Variants in PITPNM1 observed in about 807,000 individuals in gnomAD.
The protein encoded by PITPNM1 is phosphatidylinositol transfer protein membrane associated 1.
In PITPNM1, 74 loss-of-function variants were observed where a neutral mutation model predicts 133.3. The ratio of observed to expected loss-of-function variants is 0.56; its 90% CI spans 0.46 to 0.67. PITPNM1 has a LOEUF of 0.67. PITPNM1 is among the 30% of genes least tolerant of loss of function. The probability of loss-of-function intolerance (pLI) is 0.00; values close to 1 mark genes in which losing one functional copy is unlikely to be tolerated. For missense variants in PITPNM1, 1,398 were observed against 1,739.5 expected (o/e 0.80, Z 3.49); for synonymous variants, 738 against 741.4 (o/e 1.00, Z 0.08).
In PITPNM1 at chr11:67,496,331, C is replaced by T. The variant is rs772384753; in HGVS notation, c.2164G>A (p.Ala722Thr). ...PALEAAQMRP[A>T]CEQIYNLFHA... ...AAGAGGTTGTAGATCTGTTCACAGG[C>T]TGGGCGCATCTGGGCTGCTGGTACC... Residue 722 changes from alanine to threonine, a missense_variant, in exon 15 of 24, where the codon GCC (alanine) becomes ACC (threonine). Physicochemically the swap from Ala to Thr is moderately conservative, Grantham distance 58. This residue lies in a region of PITPNM1 where 574 missense variants were observed against 698.7 expected (regional missense o/e 0.82). Transcript: ENST00000356404. The T allele has an allele frequency of 3.2e-6, 5 of 1,576,938 alleles. No homozygotes were observed. The South Asian group carries it at 4.7e-5, about 15-fold the overall frequency.
intron 15 of PITPNM1, 37 bp downstream of exon 15, chr11:67,496,141 C>T: frequency 6.1e-6 from 9 of 1,468,996 alleles, no homozygotes; most frequent in Middle Eastern, 1.8e-4. Context: ...TGTGTGTGCC[C>T]TCCTCCTTCT....
rs755856918 is a variant in PITPNM1 at position 67,493,455 on chromosome 11, G to A, written c.3297C>T (p.Asp1099=). 2 of 1,605,554 alleles carry A rather than the reference G, an allele frequency of 1.2e-6. No homozygotes were observed. Among genetic ancestry groups the A allele is most frequent in the Non-Finnish European group, 1.7e-6 (2 of 1,176,176 alleles). The change falls in exon 22 of 24, where the codon GAC becomes GAT. Residue 1099 remains aspartate, a synonymous_variant. Coordinates refer to ENST00000356404, the MANE Select transcript of PITPNM1 (RefSeq NM_004910.3). ...GAAACATTGCCTTCTGGCGTAGTGGGTCGTGGGTGAGGCCGTCGCAGAAGG... is the reference window on the plus strand; with the variant it reads ...GAAACATTGCCTTCTGGCGTAGTGGATCGTGGGTGAGGCCGTCGCAGAAGG... The part of the protein sequence containing the change: ...VVSFCDGLTH[D]PLRQKAMFLQ...
chr11:67,500,800 T>C (rs1866299549), intron 5 of PITPNM1, among the ~76,000 whole-genome samples: 1 of 152,250 alleles, frequency 6.6e-6, no homozygotes. Flanking sequence ...AATGAAGGTG[T>C]TAACAGTTAA....
In PITPNM1 at chr11:67,491,922, T is replaced by TG. The variant is rs1865936472; in HGVS notation, c.*110dup. 2.9e-5 allele frequency: 36 copies of TG among 1,221,946 alleles called. No homozygotes were observed. The South Asian group carries it at 3.8e-4, about 13-fold the overall frequency. The allele number at this position is 1,221,946 out of a possible 1,614,324, so 75.7% of individuals were successfully genotyped here. Reference sequence around the variant, plus strand: ...CACACGGAGATATAGGGTGTGGGGCTGGGGGGGCCAGCGCTGGGGCCAAAA... The same window carrying TG: ...CACACGGAGATATAGGGTGTGGGGCTGGGGGGGGCCAGCGCTGGGGCCAAAA... On this transcript the variant is annotated 3_prime_UTR_variant, in exon 24 of 24. Transcript: ENST00000356404.
chr11:67,500,140 G>T lies in PITPNM1; in HGVS notation c.922C>A (p.Gln308Lys). The T allele has an allele frequency of 1.3e-6, 2 of 1,592,578 alleles. No homozygotes were observed. ...DASPDASFGK[Q>K]WSSSSRSSYS... ...GAGGAACGGGAGGATGAGGACCACT[G>T]CTTCCCAAAGCTGGCATCGGGGGAG... The change falls in exon 6 of 24, where the codon CAG becomes AAG. Residue 308 changes from glutamine (Q) to lysine (K), a missense_variant. Gln to Lys is a moderately conservative substitution (Grantham distance 53, BLOSUM62 1). This residue lies in a region of PITPNM1 where 195 missense variants were observed against 178.8 expected (regional missense o/e 1.09). Coordinates refer to ENST00000356404, the MANE Select transcript of PITPNM1 (RefSeq NM_004910.3).
Position 67,499,998 on chromosome 11 carries a change from G to T in PITPNM1, c.979C>A (p.Pro327Thr), listed in dbSNP as rs1368786896. 1 of 1,612,368 alleles carries T rather than the reference G, an allele frequency of 6.2e-7. No homozygotes were observed. The highest frequency in any genetic ancestry group is 1.1e-5 in the South Asian group (1 of 91,082). Residue 327 changes from proline (P) to threonine (T), a missense_variant, in exon 7 of 24, where the codon CCC becomes ACC. Physicochemically the swap from Pro to Thr is conservative, Grantham distance 38 (BLOSUM62 -1). Transcript: ENST00000356404. Reference protein sequence around the residue: ...YSSQHGGAVSPQSLSEWRMQN... With the variant: ...YSSQHGGAVSTQSLSEWRMQN... ...ATGCGCCACTCAGACAAGCTCTGGGGAGACACAGCCCCTGCCGGGCCAGCT... is the reference window on the plus strand; with the variant it reads ...ATGCGCCACTCAGACAAGCTCTGGGTAGACACAGCCCCTGCCGGGCCAGCT...
At position 67,498,574 on chromosome 11, in the gene PITPNM1, C is replaced by T. The variant is rs761402753; in HGVS notation, c.1484+22G>A. 3.0e-5 allele frequency: 48 copies of T among 1,589,524 alleles called. No homozygotes were observed. Among genetic ancestry groups the T allele is most frequent in the Middle Eastern group, 4.1e-4 (2 of 4,882 alleles). ...CTGGCCTGATCCTACGAGTTCCCTG[C>T]CCTTCCACCCGTGGCTAGTACTTGG... On this transcript the variant is annotated intron_variant, in intron 10 of 23. Transcript: ENST00000356404. This position sits in a 1 kb window ranked among gnomAD's most constrained non-coding sequence, Gnocchi z 5.7.
Position 67,502,794 on chromosome 11 carries a change from T to C in PITPNM1, c.79-76A>G. 4 of 1,433,118 alleles carry C rather than the reference T, an allele frequency of 2.8e-6. No homozygotes were observed. In the South Asian group the frequency reaches 3.5e-5, roughly 13 times the overall value. The allele number at this position is 1,433,118 out of a possible 1,614,324, so 88.8% of individuals were successfully genotyped here. ...TGGGATCCCCAGCTCAGCCTGGTGT[T>C]CTACACAGCTCTGGGGCCCTGGTCC... is the stretch of plus-strand genomic sequence containing the variant. On this transcript the variant is annotated intron_variant, in intron 2 of 23. Transcript: ENST00000356404. This position sits in a 1 kb window ranked among gnomAD's most constrained non-coding sequence, Gnocchi z 5.9.
Position 67,504,034 on chromosome 11 carries a change from CG to C in PITPNM1, c.78+68del. 1 of 1,270,354 alleles carries C rather than the reference CG, an allele frequency of 7.9e-7. No individual in the cohort carries two copies. The highest frequency in any genetic ancestry group is 1.1e-6 in the Non-Finnish European group (1 of 916,966). 78.7% of individuals were successfully genotyped at this position (1,270,354 alleles called of 1,614,324 possible). A position where few individuals can be genotyped will look rare whatever the true frequency, so the allele number is the denominator to read the frequency against. On this transcript the variant is annotated intron_variant, in intron 2 of 23. Coordinates refer to ENST00000356404, the MANE Select transcript of PITPNM1 (RefSeq NM_004910.3). The surrounding 1 kb of genome is among the most constrained non-coding windows in gnomAD (Gnocchi z 5.4). ...CCGGGCTCCCAGCCGGTCCCAGCCC[CG>C]GGGCAGGGCTGGCGGGGTCGGCAGG...
chr11:67,501,714 C>A, intron 5 of PITPNM1, 148 bp downstream of exon 5: 2 of 667,774 alleles, frequency 3.0e-6, no homozygotes, highest in South Asian at 3.8e-5. Flanking sequence ...CTAGGCTGTG[C>A]GGCCGCTTCT....
At position 67,502,394 on chromosome 11, in the gene PITPNM1, C is replaced by G; in HGVS notation, c.313G>C (p.Glu105Gln). ...TRTRYTCPFV[E>Q]KFSIEIETYY... ...GTCTCAATTTCAATGGAGAATTTCT[C>G]CACGAAAGGGCAGGTGTACCTGGGC... The change falls in exon 4 of 24, where the codon GAG becomes CAG. Residue 105 changes from glutamate to glutamine, a missense_variant. By Grantham distance (29) the Glu-to-Gln change is conservative. Coordinates refer to ENST00000356404, the MANE Select transcript of PITPNM1 (RefSeq NM_004910.3). The surrounding 1 kb of genome is among the most constrained non-coding windows in gnomAD (Gnocchi z 5.9). 6.2e-7 allele frequency: 1 copy of G among 1,613,940 alleles called. No individual in the cohort carries two copies. Among genetic ancestry groups the G allele is most frequent in the Non-Finnish European group, 8.5e-7 (1 of 1,180,028 alleles).
At position 67,493,398 on chromosome 11, in the gene PITPNM1, C is replaced by A; in HGVS notation, c.3342+12G>T. ...CGGGGTCAGGACCCGGAGCCTCCCC[C>A]AGCCGCCGCACCTCCTGCACCAGGC... On this transcript the variant is annotated intron_variant, in intron 22 of 23. Transcript: ENST00000356404. 6.4e-7 allele frequency: 1 copy of A among 1,563,324 alleles called. No homozygotes were observed.
At chr11:67,503,896 A>G in intron 2 of PITPNM1, 1 of 494,616 alleles carries the variant, frequency 2.0e-6, no homozygotes. Flanking sequence ...ATTACAGGAG[A>G]TCAGAGGAGG....
At chr11:67,494,743 G>A in intron 18 of PITPNM1, 103 bp downstream of exon 18, 1 of 725,542 alleles carries the variant, frequency 1.4e-6, no homozygotes, top group South Asian at 1.7e-5. Context: ...AGTTGGATCG[G>A]CTAGGACCCG....
rs1372812720 is a variant in PITPNM1 at position 67,493,954 on chromosome 11, G to T, written c.2976C>A (p.Gly992=). The T allele has an allele frequency of 6.2e-7, 1 of 1,605,204 alleles. No individual in the cohort carries two copies. The highest frequency in any genetic ancestry group is 1.7e-5 in the Admixed American group (1 of 59,444). ...TFPVPPERAL[G]IGVYPVRMVV... is the part of the protein sequence containing the mutation. ...CCATGCGCACGGGGTAGACACCAATGCCCAGCGCGCGTTCTGGGGGAACTG... is the reference window on the plus strand; with the variant it reads ...CCATGCGCACGGGGTAGACACCAATTCCCAGCGCGCGTTCTGGGGGAACTG... The change falls in exon 20 of 24, where the codon GGC becomes GGA. Residue 992 remains glycine (G), a synonymous_variant. Coordinates refer to ENST00000356404, the MANE Select transcript of PITPNM1 (RefSeq NM_004910.3).
chr11:67,498,843 G>A lies in PITPNM1; in HGVS notation c.1237C>T (p.Leu413=). 6.2e-7 allele frequency: 1 copy of A among 1,609,630 alleles called. No homozygotes were observed. The highest frequency in any genetic ancestry group is 8.5e-7 in the Non-Finnish European group (1 of 1,177,116). Residue 413 remains leucine (L), a synonymous_variant, in exon 10 of 24, where the codon CTG becomes TTG. Coordinates refer to ENST00000356404, the MANE Select transcript of PITPNM1 (RefSeq NM_004910.3). The surrounding 1 kb of genome is among the most constrained non-coding windows in gnomAD (Gnocchi z 5.7). ...GAQAPRDSEG[L]DGAGELGAEA... is the part of the protein sequence containing the mutation. ...GCCCCCAGCTCCCCGGCTCCATCCA[G>A]GCCCTGGGGGGAACAATGGGGTGCA...
In PITPNM1 at chr11:67,500,188, C is replaced by G; in HGVS notation, c.874G>C (p.Glu292Gln). 2 of 1,602,190 alleles carry G rather than the reference C, an allele frequency of 1.2e-6. No homozygotes were observed. The highest frequency in any genetic ancestry group is 1.7e-6 in the Non-Finnish European group (2 of 1,177,032). The change falls in exon 6 of 24, where the codon GAG (glutamate) becomes CAG (glutamine). Residue 292 changes from glutamate (E) to glutamine (Q), a missense_variant. Glu to Gln is a conservative substitution (Grantham distance 29, BLOSUM62 2). Transcript: ENST00000356404. The stretch of plus-strand genomic sequence containing the variant: ...GAGGCATCTGGGCCTGGGGGGGCCT[C>G]AGGCCCATCGGGGGTGCCAGTGTTG... ...ASNTGTPDGPEAPPGPDASPD... is the reference protein window; with the variant it reads ...ASNTGTPDGPQAPPGPDASPD...
Position 67,498,179 on chromosome 11 carries a change from T to TA in PITPNM1, c.1627dup (p.Tyr543LeufsTer9). ...CTCAGGTGAGCGCAGGAAGGCTGAG[T>TA]AGGCCTGGTTGGTGCGGGCAATGAC... On this transcript the variant is annotated frameshift_variant, in exon 11 of 24. Transcript: ENST00000356404. LOFTEE classifies it high-confidence loss of function. The surrounding 1 kb of genome is among the most constrained non-coding windows in gnomAD (Gnocchi z 5.7). 6.2e-7 allele frequency: 1 copy of TA among 1,613,126 alleles called. No homozygotes were observed. The highest frequency in any genetic ancestry group is 8.5e-7 in the Non-Finnish European group (1 of 1,179,908).
Position 67,502,287 on chromosome 11 carries a change from C to A in PITPNM1, c.415+5G>T, listed in dbSNP as rs780085203. 2 of 1,612,564 alleles carry A rather than the reference C, an allele frequency of 1.2e-6. No individual in the cohort carries two copies. Among genetic ancestry groups the A allele is most frequent in the Non-Finnish European group, 1.7e-6 (2 of 1,179,892 alleles). On this transcript the variant is annotated splice_donor_5th_base_variant and intron_variant, in intron 4 of 23. Transcript: ENST00000356404. The surrounding 1 kb of genome is among the most constrained non-coding windows in gnomAD (Gnocchi z 5.9). Reference sequence around the variant, plus strand: ...CCAGGGTCCCCCCATAGCTCCAGGCCTCACCCAGGATGCGCTGTCTCCTCT... The same window carrying A: ...CCAGGGTCCCCCCATAGCTCCAGGCATCACCCAGGATGCGCTGTCTCCTCT...
Sources: allele counts gnomAD v4.1 joint callset (sites outside exome capture counted in the v4.1 genomes callset), GRCh38; gene constraint gnomAD v4.1.1; regional missense constraint gnomAD v4.1.1; non-coding constraint Gnocchi (gnomAD v3.1); transcripts MANE v1.5; gene names NCBI Gene and HGNC (gene_info 2026-07-23, HGNC 2026-07-21).